MAPK10: variants seen among roughly 807,000 people sequenced by gnomAD.
MAPK10 encodes the protein mitogen-activated protein kinase 10.
Under a neutral mutation model 59.3 loss-of-function variants are expected in MAPK10, and 25 were observed. The observed-to-expected ratio is 0.42, with a 90% CI of 0.31 to 0.59. The LOEUF (loss-of-function observed/expected upper bound fraction) is 0.59, where lower values mean the gene tolerates loss of function less well. Ranked by LOEUF, MAPK10 falls within the 20% of genes least tolerant of loss-of-function variation. MAPK10 has a pLI of 0.15. For missense variants in MAPK10, 351 were observed against 568.9 expected, an observed-to-expected ratio of 0.62 and a Z score of 3.90; for synonymous variants, 190 against 200.5, an observed-to-expected ratio of 0.95 and a Z score of 0.44.
intron 2 of MAPK10, among the ~76,000 whole-genome samples, chr4:86,218,535 A>G (rs1231364349): frequency 6.6e-6 from 1 of 150,726 alleles, no homozygotes; most frequent in Non-Finnish European, 1.5e-5. Context: ...TATGTTTATC[A>G]TAACACATAT....
intron 1 of MAPK10, among the ~76,000 whole-genome samples, chr4:86,401,806 A>G (rs1473297124): frequency 6.6e-6 from 1 of 152,218 alleles, no homozygotes; most frequent in Non-Finnish European, 1.5e-5. Flanking sequence ...TACAAATATT[A>G]GGGCTTATTA....
At chr4:86,279,947 A>T (rs1173275390) in intron 2 of MAPK10, among the ~76,000 whole-genome samples, 1 of 152,218 alleles carries the variant, frequency 6.6e-6, no homozygotes, top group Non-Finnish European at 1.5e-5. Context: ...TATTCCTTAA[A>T]TTAAAAAATT....
At chr4:86,058,809 G>A (rs981465407) in intron 11 of MAPK10, among the ~76,000 whole-genome samples, 1 of 152,056 alleles carries the variant, frequency 6.6e-6, no homozygotes, top group African/African-American at 2.4e-5. Context: ...CTACATATCT[G>A]CATCAGCTGT....
chr4:86,406,844 G>A (rs1744426519), intron 1 of MAPK10, among the ~76,000 whole-genome samples: 1 of 152,192 alleles, frequency 6.6e-6, no homozygotes, highest in Admixed American at 6.5e-5. Context: ...AGTGGTGGCA[G>A]GCTGGGCAGG....
At chr4:86,530,579 G>C (rs1487335190) in intron 1 of MAPK10, among the ~76,000 whole-genome samples, 1 of 152,112 alleles carries the variant, frequency 6.6e-6, no homozygotes, top group Non-Finnish European at 1.5e-5. Flanking sequence ...CAAGATCAAG[G>C]CACTGGCAGA....
chr4:86,365,918 A>C (rs2869437), intron 1 of MAPK10, among the ~76,000 whole-genome samples: 110,716 of 151,996 alleles, frequency 0.73, 40,997 homozygotes, highest in South Asian at 0.9. Context: ...AAGCATGGAA[A>C]TGTATTTAGT....
At chr4:86,384,399 C>T (rs1057180559) in intron 1 of MAPK10, among the ~76,000 whole-genome samples, 7 of 152,006 alleles carry the variant, frequency 4.6e-5, no homozygotes, top group Admixed American at 2.6e-4. Context: ...AGAAGGCCAG[C>T]GATGGATGGG....
rs181130105 is a variant in MAPK10, at chr4:86,586,976, T to C, written c.-263+6934A>G. ...AGAACGAAAAAATTAAGTCCAAAAATTATCTCAAGCCTAAAATATCCAGCA... is the reference window on the plus strand; with the variant it reads ...AGAACGAAAAAATTAAGTCCAAAAACTATCTCAAGCCTAAAATATCCAGCA... On this transcript the variant is annotated intron_variant, in intron 1 of 4. Transcript: ENST00000502302. Among the ~76,000 whole-genome samples the C allele has an allele frequency of 4.6e-5, 7 of 152,308 alleles. No individual in the cohort carries two copies. The East Asian group carries it at 1.4e-3, about 29-fold the overall frequency.
chr4:86,052,338 C>T (rs1188571679), intron 11 of MAPK10, among the ~76,000 whole-genome samples: 1 of 152,038 alleles, frequency 6.6e-6, no homozygotes, highest in Non-Finnish European at 1.5e-5. Context: ...AGTCCCCTCC[C>T]CCCATCCACT....
At chr4:86,403,710 C>T (rs913605766) in intron 1 of MAPK10, among the ~76,000 whole-genome samples, 2 of 152,024 alleles carry the variant, frequency 1.3e-5, no homozygotes, top group African/African-American at 4.8e-5. Flanking sequence ...AGGGGAAATG[C>T]CAGATGCTAA....
At chr4:86,455,383 C>G (rs1366257609), upstream of MAPK10, among the ~76,000 whole-genome samples, 1 of 152,172 alleles carries the variant, frequency 6.6e-6, no homozygotes, top group Non-Finnish European at 1.5e-5. Flanking sequence ...TAGAGACACA[C>G]CTTCAAGAGA....
intron 2 of MAPK10, among the ~76,000 whole-genome samples, chr4:86,289,415 G>A (rs2148817866): frequency 6.6e-6 from 1 of 152,082 alleles, no homozygotes; most frequent in Non-Finnish European, 1.5e-5. Context: ...GATGCTGTAT[G>A]GAAAATGAAG....
chr4:86,410,850 C>T (rs553518755), intron 1 of MAPK10, among the ~76,000 whole-genome samples: 17 of 152,200 alleles, frequency 1.1e-4, no homozygotes, highest in Admixed American at 7.2e-4. Context: ...CAAAATCCAG[C>T]TCCTGGATTC....
chr4:86,524,322 G>T (rs928630922), intron 1 of MAPK10, among the ~76,000 whole-genome samples: 4 of 152,082 alleles, frequency 2.6e-5, no homozygotes, highest in Non-Finnish European at 2.9e-5. Context: ...TAGCTTTCTG[G>T]ATATCATTTT....
intron 4 of MAPK10, among the ~76,000 whole-genome samples, chr4:86,138,596 A>C (rs1336644036): frequency 1.4e-5 from 2 of 138,900 alleles, no homozygotes; most frequent in Admixed American, 7.4e-5. Context: ...ATGGGCAAAA[A>C]CTGGAAGCAT....
intron 9 of MAPK10, among the ~76,000 whole-genome samples, chr4:86,094,167 T>C (rs1453056111): frequency 6.6e-6 from 1 of 152,050 alleles, no homozygotes; most frequent in African/African-American, 2.4e-5. Context: ...TTTGTTCATT[T>C]TACTTTGATC....
intron 11 of MAPK10, among the ~76,000 whole-genome samples, chr4:86,033,960 C>A (rs1171633097): frequency 6.6e-6 from 1 of 152,004 alleles, no homozygotes; most frequent in Non-Finnish European, 1.5e-5. Context: ...CTGCCTCCTT[C>A]CGCTAAGGAG....
intron 1 of MAPK10, among the ~76,000 whole-genome samples, chr4:86,430,230 C>T (rs1018327926): frequency 3.3e-5 from 5 of 152,148 alleles, no homozygotes; most frequent in African/African-American, 1.2e-4. Flanking sequence ...GAAAATCCAA[C>T]ATTCTATAAG....
intron 11 of MAPK10, among the ~76,000 whole-genome samples, chr4:86,041,238 T>A (rs1482101085): frequency 6.6e-6 from 1 of 152,104 alleles, no homozygotes; most frequent in African/African-American, 2.4e-5. Context: ...GGGAAAAGAT[T>A]CCCTATTTAA....
Sources: allele counts gnomAD v4.1 joint callset (sites outside exome capture counted in the v4.1 genomes callset), GRCh38; gene constraint gnomAD v4.1.1; transcripts MANE v1.5; gene names NCBI Gene and HGNC (gene_info 2026-07-23, HGNC 2026-07-21).